LHFPL3: variants seen among roughly 807,000 people sequenced by gnomAD.
LHFPL3 encodes LHFPL tetraspan subfamily member 3 protein.
In LHFPL3, 5 loss-of-function variants were observed where a neutral mutation model predicts 19.3. The ratio of observed to expected loss-of-function variants is 0.26; its 90% CI spans 0.14 to 0.54. LHFPL3 has a LOEUF of 0.54. Among genes scored for constraint, LHFPL3 ranks in the 20% least tolerant of loss-of-function variants. LHFPL3 has a pLI of 0.94. For synonymous variants in LHFPL3, 133 were observed against 126.2 expected (o/e 1.05, Z -0.36); for missense variants, 249 against 307.4 (o/e 0.81, Z 1.42).
chr7:104,529,319 G>T (rs1794247830), intron 1 of LHFPL3, among the ~76,000 whole-genome samples: 1 of 152,136 alleles, frequency 6.6e-6, no homozygotes, highest in African/African-American at 2.4e-5. Flanking sequence ...TGTATCCTCA[G>T]CTTCATCTCT....
chr7:104,464,246 G>A (rs766290421), intron 1 of LHFPL3, among the ~76,000 whole-genome samples: 3 of 152,218 alleles, frequency 2.0e-5, no homozygotes, highest in Non-Finnish European at 4.4e-5. Context: ...CCACAGCTTT[G>A]AGCAGCTCTG....
At chr7:104,556,190 C>G (rs555492443) in intron 1 of LHFPL3, among the ~76,000 whole-genome samples, 2 of 152,304 alleles carry the variant, frequency 1.3e-5, no homozygotes, top group South Asian at 4.1e-4. Context: ...GACATTGGCC[C>G]TCTTCTCACA....
intron 1 of LHFPL3, among the ~76,000 whole-genome samples, chr7:104,388,942 T>A (rs959470559): frequency 2.6e-5 from 4 of 152,104 alleles, no homozygotes; most frequent in Non-Finnish European, 5.9e-5. Flanking sequence ...TGAAAGACAA[T>A]ACTTTCCTCT....
At chr7:104,876,548 G>A (rs1403632780) in intron 2 of LHFPL3, among the ~76,000 whole-genome samples, 1 of 151,246 alleles carries the variant, frequency 6.6e-6, no homozygotes, top group East Asian at 1.9e-4. Flanking sequence ...CTGGCCATCA[G>A]AGAAATGCAA....
intron 1 of LHFPL3, among the ~76,000 whole-genome samples, chr7:104,484,844 A>T (rs1562912137): frequency 6.6e-6 from 1 of 152,142 alleles, no homozygotes; most frequent in Non-Finnish European, 1.5e-5. Context: ...CCTGCAATGA[A>T]TAACCCACTC....
intron 1 of LHFPL3, among the ~76,000 whole-genome samples, chr7:104,688,598 C>T (rs1370609450): frequency 6.6e-6 from 1 of 152,158 alleles, no homozygotes; most frequent in Non-Finnish European, 1.5e-5. Flanking sequence ...CCTTCCCCAC[C>T]CATGCTGCCA....
chr7:104,750,635 G>C (rs931836891), intron 2 of LHFPL3, among the ~76,000 whole-genome samples: 3 of 151,788 alleles, frequency 2.0e-5, no homozygotes, highest in Non-Finnish European at 4.4e-5. Flanking sequence ...TTTTGTGGGG[G>C]CTCCCCTGGA....
chr7:104,856,740 GA>G (rs1791513068), intron 2 of LHFPL3, among the ~76,000 whole-genome samples: 2 of 152,198 alleles, frequency 1.3e-5, no homozygotes, highest in African/African-American at 2.4e-5. Flanking sequence ...GCCAGAAATT[GA>G]AAGCAAATTT....
At chr7:104,424,645 C>A (rs1016638734) in intron 1 of LHFPL3, among the ~76,000 whole-genome samples, 1 of 152,160 alleles carries the variant, frequency 6.6e-6, no homozygotes, top group Admixed American at 6.5e-5. Flanking sequence ...GGGTAGAAGT[C>A]GGGGATGCTG....
intron 1 of LHFPL3, among the ~76,000 whole-genome samples, chr7:104,541,282 G>C (rs964339860): frequency 8.5e-5 from 13 of 152,080 alleles, no homozygotes; most frequent in African/African-American, 2.7e-4. Flanking sequence ...TTGCATTAGT[G>C]GTTCACTTAC....
intron 1 of LHFPL3, among the ~76,000 whole-genome samples, chr7:104,660,184 G>A (rs1481801424): frequency 1.3e-5 from 2 of 152,082 alleles, no homozygotes; most frequent in African/African-American, 2.4e-5. Context: ...TGCATTTTTA[G>A]TAGAGATGGG....
At chr7:104,698,692 AATACATTATG>A (rs1434644781) in intron 1 of LHFPL3, among the ~76,000 whole-genome samples, 5 of 152,212 alleles carry the variant, frequency 3.3e-5, no homozygotes, top group Non-Finnish European at 7.3e-5. Flanking sequence ...GAATGGGTAA[AATACATTATG>A]GTACATCCAG....
intron 1 of LHFPL3, among the ~76,000 whole-genome samples, chr7:104,699,488 G>A (rs1187073730): frequency 3.9e-5 from 6 of 152,140 alleles, no homozygotes; most frequent in African/African-American, 1.4e-4. Flanking sequence ...GGTTCCATGA[G>A]TAGTCAAATT....
intron 1 of LHFPL3, among the ~76,000 whole-genome samples, chr7:104,610,877 C>T (rs1303256325): frequency 1.3e-5 from 2 of 152,176 alleles, no homozygotes; most frequent in East Asian, 1.9e-4. Flanking sequence ...AGATGAGTAA[C>T]AAAAAGTAAA....
At chr7:104,820,772 C>T (rs1790661890) in intron 2 of LHFPL3, among the ~76,000 whole-genome samples, 1 of 152,170 alleles carries the variant, frequency 6.6e-6, no homozygotes, top group African/African-American at 2.4e-5. Flanking sequence ...AAGCAGAGGC[C>T]TCTAGACTAA....
chr7:104,773,745 T>G (rs1794598046), intron 2 of LHFPL3, among the ~76,000 whole-genome samples: 1 of 152,020 alleles, frequency 6.6e-6, no homozygotes, highest in Admixed American at 6.5e-5. Flanking sequence ...AAGATGAAGG[T>G]GGAGATCGGG....
intron 1 of LHFPL3, among the ~76,000 whole-genome samples, chr7:104,530,502 A>G (rs904059957): frequency 6.6e-6 from 1 of 152,200 alleles, no homozygotes; most frequent in South Asian, 2.1e-4. Flanking sequence ...TGACAAGTCA[A>G]TGAGGAGTGG....
intron 1 of LHFPL3, among the ~76,000 whole-genome samples, chr7:104,646,344 G>T (rs1206103887): frequency 1.3e-5 from 2 of 152,132 alleles, no homozygotes; most frequent in Non-Finnish European, 2.9e-5. Flanking sequence ...ATTTTCTATA[G>T]CACGCCCTAA....
At chr7:104,412,856 C>G (rs1791557600) in intron 1 of LHFPL3, among the ~76,000 whole-genome samples, 1 of 152,104 alleles carries the variant, frequency 6.6e-6, no homozygotes, top group Non-Finnish European at 1.5e-5. Context: ...CTACTAAAAG[C>G]AATCTATTTG....
Sources: gnomAD v4.1 joint callset for allele counts (sites outside exome capture counted in the v4.1 genomes callset) on GRCh38, gnomAD v4.1.1 for gene constraint, MANE v1.5 for transcripts, NCBI Gene and HGNC (gene_info 2026-07-23, HGNC 2026-07-21) for gene names.